Variants in PALM2AKAP2 observed in about 807,000 individuals in gnomAD.
PALM2AKAP2 encodes the protein PALM2 and AKAP2 fusion.
In PALM2AKAP2, 37 loss-of-function variants were observed where a neutral mutation model predicts 71.5. That is an observed-to-expected ratio of 0.52 (90% CI 0.40 to 0.68). The LOEUF is 0.68. PALM2AKAP2 is among the 30% of genes least tolerant of loss of function. The pLI is 0.00. For synonymous variants in PALM2AKAP2, 468 were observed against 478.8 expected, an observed-to-expected ratio of 0.98 and a Z score of 0.29; for missense variants, 1,224 against 1,191.8, an observed-to-expected ratio of 1.03 and a Z score of -0.40.
intron 1 of PALM2AKAP2, chr9:110,127,830 G>A (rs1362477724): frequency 6.6e-6 from 1 of 152,198 alleles, no homozygotes; most frequent in Non-Finnish European, 1.5e-5. Context: ...TCCAGCTATT[G>A]CTGCAGCACT....
rs571428516 is a variant in PALM2AKAP2 at position 109,931,843 on chromosome 9, G to A, written c.395-84G>A. 1.6e-5 allele frequency: 23 copies of A among 1,475,164 alleles called. No individual in the cohort carries two copies. In the East Asian group the frequency reaches 4.8e-4, roughly 31 times the overall value. 91.4% of individuals were successfully genotyped at this position (1,475,164 alleles called of 1,614,324 possible). A position where few individuals can be genotyped will look rare whatever the true frequency, so the allele number is the denominator to read the frequency against. On this transcript the variant is annotated intron_variant, in intron 5 of 9. Transcript: ENST00000302798. ...GCCGCCTCAGCGGTCCATTATGTAGGGCAGACAAGCTGCTGTCTCGGCAGT... is the reference window on the plus strand; with the variant it reads ...GCCGCCTCAGCGGTCCATTATGTAGAGCAGACAAGCTGCTGTCTCGGCAGT...
intron 2 of PALM2AKAP2, among the ~76,000 whole-genome samples, chr9:110,140,934 C>G (rs1419064208): frequency 6.6e-6 from 1 of 152,120 alleles, no homozygotes; most frequent in Non-Finnish European, 1.5e-5. Context: ...TATATGCCAT[C>G]AAATTGGTGA....
Position 109,797,845 on chromosome 9 carries a change from C to T in PALM2AKAP2, c.45+17312C>T, listed in dbSNP as rs1195826372. The stretch of plus-strand genomic sequence containing the variant: ...GTATCTGTGGCTTTCACCAGGTAAA[C>T]ACATCAGTGTTCTTCCTAATTTGGA... On this transcript the variant is annotated intron_variant, in intron 1 of 9. Transcript: ENST00000302798. Among the ~76,000 whole-genome samples the T allele has an allele frequency of 2.6e-5, 4 of 152,206 alleles. No homozygotes were observed. The East Asian group carries it at 7.7e-4, about 29-fold the overall frequency.
intron 6 of PALM2AKAP2, among the ~76,000 whole-genome samples, chr9:109,954,661 A>T (rs929983417): frequency 2.9e-3 from 54 of 18,482 alleles, no homozygotes; most frequent in Non-Finnish European, 5.8e-3. Context: ...AGTATAATAA[A>T]AAAAAAAAAA....
upstream of PALM2AKAP2, among the ~76,000 whole-genome samples, chr9:110,045,953 T>C (rs1443861503): frequency 6.6e-6 from 1 of 152,178 alleles, no homozygotes; most frequent in Non-Finnish European, 1.5e-5. Flanking sequence ...AACCTCAGCA[T>C]TACTGACATT....
chr9:109,909,576 G>A (rs964846398), intron 3 of PALM2AKAP2, among the ~76,000 whole-genome samples: 2 of 152,186 alleles, frequency 1.3e-5, no homozygotes, highest in African/African-American at 4.8e-5. Flanking sequence ...CTAGAGGTTT[G>A]TAAACTGGAG....
intron 6 of PALM2AKAP2, among the ~76,000 whole-genome samples, chr9:109,987,878 T>G (rs1436852714): frequency 6.6e-6 from 1 of 152,250 alleles, no homozygotes; most frequent in East Asian, 1.9e-4. Context: ...AAAGGAAGTT[T>G]CTTCATCTGT....
chr9:109,774,454 A>C (rs963534488), intron 1 of PALM2AKAP2, among the ~76,000 whole-genome samples: 2 of 152,108 alleles, frequency 1.3e-5, no homozygotes, highest in African/African-American at 4.8e-5. Flanking sequence ...TCTCCTCTTA[A>C]ATTTTTAAAT....
At chr9:110,088,703 G>GTTTTGTTTTTTTTTTTTTTTTTTTTTT (rs1834628901) in intron 1 of PALM2AKAP2, among the ~76,000 whole-genome samples, 1 of 75,574 alleles carries the variant, frequency 1.3e-5, no homozygotes, top group South Asian at 6.0e-4. Context: ...GCATTTACGT[G>GTTTTGTTTTTTTTTTTTTTTTTTTTTT]TTTTTTTTTT....
At chr9:110,080,970 T>C (rs114363659) in intron 1 of PALM2AKAP2, among the ~76,000 whole-genome samples, 2,036 of 152,282 alleles carry the variant, frequency 0.013, 39 homozygotes, top group African/African-American at 0.047. Context: ...CGTGAGGCAC[T>C]GCGCCCAGCC....
chr9:109,869,018 A>G (rs1036040449), intron 2 of PALM2AKAP2, among the ~76,000 whole-genome samples: 8 of 152,220 alleles, frequency 5.3e-5, no homozygotes, highest in Non-Finnish European at 1.0e-4. Flanking sequence ...CGGTGCTTGT[A>G]AGAGACCAAC....
chr9:110,007,067 T>G (rs1332025979), intron 6 of PALM2AKAP2, among the ~76,000 whole-genome samples: 1 of 152,174 alleles, frequency 6.6e-6, no homozygotes, highest in African/African-American at 2.4e-5. Context: ...GGGGAAAGCT[T>G]CTTTTTTCTT....
At chr9:109,722,700 A>G (rs1828424345) in intron 1 of PALM2AKAP2, among the ~76,000 whole-genome samples, 2 of 152,168 alleles carry the variant, frequency 1.3e-5, no homozygotes, top group African/African-American at 2.4e-5. Flanking sequence ...TGAACCCAGG[A>G]GGTTGAAGCC....
chr9:109,851,267 G>A (rs890127570), intron 1 of PALM2AKAP2, among the ~76,000 whole-genome samples: 3 of 151,860 alleles, frequency 2.0e-5, no homozygotes, highest in South Asian at 2.1e-4. Flanking sequence ...AGACCAATAA[G>A]ATCAAAATCT....
chr9:109,707,134 G>C (rs1428541067), intron 1 of PALM2AKAP2, among the ~76,000 whole-genome samples: 1 of 152,038 alleles, frequency 6.6e-6, no homozygotes, highest in Non-Finnish European at 1.5e-5. Context: ...CTGACCTTGG[G>C]CTTTAATCTT....
At chr9:110,144,237 T>G (rs915234455) in intron 2 of PALM2AKAP2, among the ~76,000 whole-genome samples, 1 of 152,238 alleles carries the variant, frequency 6.6e-6, no homozygotes, top group Non-Finnish European at 1.5e-5. Context: ...CCATCAGTAG[T>G]ACACAGTGCC....
At chr9:109,778,462 A>C (rs1344817274), upstream of PALM2AKAP2, among the ~76,000 whole-genome samples, 1 of 152,242 alleles carries the variant, frequency 6.6e-6, no homozygotes, top group Non-Finnish European at 1.5e-5. Flanking sequence ...GAAATGAAGA[A>C]AAAAGGATGC....
intron 6 of PALM2AKAP2, among the ~76,000 whole-genome samples, chr9:109,975,731 G>A (rs756447025): frequency 3.3e-4 from 50 of 152,166 alleles, no homozygotes; most frequent in East Asian, 5.8e-4. Context: ...GACTCAGCCC[G>A]AGGGTTATGG....
At chr9:109,793,457 G>A (rs2118885875) in intron 1 of PALM2AKAP2, among the ~76,000 whole-genome samples, 1 of 152,366 alleles carries the variant, frequency 6.6e-6, no homozygotes, top group East Asian at 1.9e-4. Context: ...TAGAAGATGA[G>A]TCACACAGTG....
Sources: gnomAD v4.1 joint callset for allele counts (sites outside exome capture counted in the v4.1 genomes callset) on GRCh38, gnomAD v4.1.1 for gene constraint, MANE v1.5 for transcripts, NCBI Gene and HGNC (gene_info 2026-07-23, HGNC 2026-07-21) for gene names.